The following PALD1 variants were observed in gnomAD, a reference collection of about 807,000 sequenced individuals.
PALD1 encodes the protein phosphatase domain containing paladin 1, also known as paladin.
In PALD1, 57 loss-of-function variants were observed where a neutral mutation model predicts 96.0. That is an observed-to-expected ratio of 0.59 (90% confidence interval 0.48 to 0.74). The LOEUF (loss-of-function observed/expected upper bound fraction) is 0.74, where lower values mean the gene tolerates loss of function less well. Among genes scored for constraint, PALD1 ranks in the 30% least tolerant of loss-of-function variants. The pLI is 0.00. For missense variants in PALD1, 1,063 were observed against 1,143.7 expected, an observed-to-expected ratio of 0.93 and a Z score of 1.02; for synonymous variants, 464 against 473.6, an observed-to-expected ratio of 0.98 and a Z score of 0.26.
chr10:70,508,111 G>A (rs1564690219), intron 1 of PALD1, among the ~76,000 whole-genome samples: 1 of 152,194 alleles, frequency 6.6e-6, no homozygotes, highest in Non-Finnish European at 1.5e-5. Flanking sequence ...CTCAAACTTC[G>A]CTGCTCCACG....
rs1329145989 is a variant in PALD1, at chr10:70,541,145, A to C, written c.1952A>C (p.Lys651Thr). Residue 651 changes from lysine to threonine, a missense_variant, in exon 16 of 20, where the codon AAG becomes ACG. Physicochemically the swap from Lys to Thr is moderately conservative, Grantham distance 78. Transcript: ENST00000263563. ...GAGGCCCTGCGGGCCGCCCTCTCCA[A>C]GGACCCAGGCACTGGCTTCGTGTTC... is the stretch of plus-strand genomic sequence containing the variant. ...LLEALRAALS[K>T]DPGTGFVFSC... 6 of 1,612,978 alleles carry C rather than the reference A, an allele frequency of 3.7e-6. No homozygotes were observed. The South Asian group carries it at 6.6e-5, about 18-fold the overall frequency.
chr10:70,552,848 G>A (rs1290619177), intron 18 of PALD1, among the ~76,000 whole-genome samples: 1 of 152,196 alleles, frequency 6.6e-6, no homozygotes, highest in Non-Finnish European at 1.5e-5. Context: ...GTTGCATTTG[G>A]TTGACGTGGC....
intron 1 of PALD1, among the ~76,000 whole-genome samples, chr10:70,498,639 C>G (rs987820366): frequency 6.7e-6 from 1 of 150,244 alleles, no homozygotes; most frequent in South Asian, 2.1e-4. Context: ...TGAAAGGTAT[C>G]GCACAGACTG....
At chr10:70,553,196 C>T (rs1297436856) in intron 18 of PALD1, among the ~76,000 whole-genome samples, 5 of 152,168 alleles carry the variant, frequency 3.3e-5, no homozygotes, top group Admixed American at 6.6e-5. Flanking sequence ...TAATTAACTG[C>T]GATACTTCCA....
intron 9 of PALD1, 101 bp from the exon 10 acceptor site, chr10:70,534,637 CT>C: frequency 8.5e-7 from 1 of 1,171,140 alleles, no homozygotes; most frequent in Non-Finnish European, 1.3e-6. Flanking sequence ...CTCTGCCAAT[CT>C]TTTTCTTTCC....
intron 5 of PALD1, 105 bp from the exon 6 acceptor site, chr10:70,532,516 C>T: frequency 3.5e-6 from 4 of 1,128,636 alleles, no homozygotes; most frequent in Non-Finnish European, 5.1e-6. Flanking sequence ...CAGAAGCCTG[C>T]CTGTGGCCTC....
chr10:70,460,395 T>C, the PALD1 span, among the ~76,000 whole-genome samples: 2 of 152,200 alleles, frequency 1.3e-5, no homozygotes, highest in Non-Finnish European at 1.5e-5. Context: ...GCGTCTCCCG[T>C]GGGCTCCCTC....
rs150733785 is a variant in PALD1 at position 70,521,893 on chromosome 10, A to G, written c.-29-4030A>G. 2.3e-4 allele frequency among the ~76,000 whole-genome samples: 35 copies of G among 152,078 alleles called. 1 individual carries two copies. The East Asian group carries it at 6.6e-3, about 29-fold the overall frequency. On this transcript the variant is annotated intron_variant, in intron 1 of 19. Transcript: ENST00000263563. The stretch of plus-strand genomic sequence containing the variant: ...AGAAGCCCATGGACTCCTTCTCAGA[A>G]TGCTTTTAAATACATAAAATAGGTG...
the PALD1 span, among the ~76,000 whole-genome samples, chr10:70,462,981 C>T: frequency 1.3e-5 from 2 of 152,232 alleles, no homozygotes; most frequent in Non-Finnish European, 2.9e-5. Context: ...CCCCATTGTC[C>T]ATCACTCACA....
Position 70,564,403 on chromosome 10 carries a change from C to A in PALD1, c.2302C>A (p.Gln768Lys). ...AGAGGCGCAAGAAATGCGGAGGCTG[C>A]AGCTGCGGAGCCTGCAGTACTTGGA... Reference protein sequence around the residue: ...AKEAQEMRRLQLRSLQYLERY... With the variant: ...AKEAQEMRRLKLRSLQYLERY... Residue 768 changes from glutamine (Q) to lysine (K), a missense_variant, in exon 19 of 20, where the codon CAG (glutamine) becomes AAG (lysine). Coordinates refer to ENST00000263563, the MANE Select transcript of PALD1 (RefSeq NM_014431.3). The A allele has an allele frequency of 6.2e-7, 1 of 1,613,680 alleles. No individual in the cohort carries two copies. The highest frequency in any genetic ancestry group is 8.5e-7 in the Non-Finnish European group (1 of 1,179,634).
At chr10:70,512,526 G>A (rs956688926) in intron 1 of PALD1, among the ~76,000 whole-genome samples, 2 of 152,214 alleles carry the variant, frequency 1.3e-5, no homozygotes, top group African/African-American at 2.4e-5. Context: ...GGGAGGCAGC[G>A]ACCTCTTCTT....
chr10:70,534,578 T>C, intron 9 of PALD1, 54 bp downstream of exon 9: 1 of 1,329,690 alleles, frequency 7.5e-7, no homozygotes, highest in Non-Finnish European at 1.1e-6. Context: ...GGACGGTCAC[T>C]CCTCTCACTG....
chr10:70,481,313 A>G (rs116100136), intron 1 of PALD1, among the ~76,000 whole-genome samples: 2,186 of 152,308 alleles, frequency 0.014, 65 homozygotes, highest in African/African-American at 0.05. Flanking sequence ...TTGCCTGGTT[A>G]TCACTGTTTC....
chr10:70,520,852 C>T (rs951708600), intron 1 of PALD1, among the ~76,000 whole-genome samples: 4 of 151,856 alleles, frequency 2.6e-5, no homozygotes, highest in Admixed American at 6.6e-5. Context: ...CCAGCACACC[C>T]GGCTAATTTT....
At chr10:70,541,969 G>A (rs1163854304) in intron 17 of PALD1, among the ~76,000 whole-genome samples, 1 of 152,232 alleles carries the variant, frequency 6.6e-6, no homozygotes, top group African/African-American at 2.4e-5. Context: ...AAACATTCCA[G>A]ATTTAGTCAT....
chr10:70,536,205 G>T (rs899345405), intron 10 of PALD1, among the ~76,000 whole-genome samples: 2 of 152,192 alleles, frequency 1.3e-5, no homozygotes, highest in Non-Finnish European at 2.9e-5. Flanking sequence ...GGAGGCTGAG[G>T]CAGGAGGATC....
At chr10:70,507,789 GTGGTGTA>G (rs1564690100) in intron 1 of PALD1, among the ~76,000 whole-genome samples, 3 of 146,214 alleles carry the variant, frequency 2.1e-5, no homozygotes, top group South Asian at 2.2e-4. Flanking sequence ...GTGTGTGTGT[GTGGTGTA>G]TGTATGTGTT....
intron 1 of PALD1, among the ~76,000 whole-genome samples, chr10:70,496,988 A>AG (rs1471196729): frequency 1.4e-5 from 2 of 147,080 alleles, no homozygotes; most frequent in African/African-American, 4.9e-5. Flanking sequence ...AGTTGGGGGT[A>AG]GGGGGGCTTC....
intron 7 of PALD1, 22 bp downstream of exon 7, chr10:70,533,092 A>G (rs1847029796): frequency 6.4e-7 from 1 of 1,557,612 alleles, no homozygotes. Context: ...ACGGGCGCGC[A>G]TGGGGGAGGA....
Sources: gnomAD v4.1 joint callset for allele counts (sites outside exome capture counted in the v4.1 genomes callset) on GRCh38, gnomAD v4.1.1 for gene constraint, MANE v1.5 for transcripts, NCBI Gene and HGNC (gene_info 2026-07-23, HGNC 2026-07-21) for gene names.